The following ATP2B1 variants were observed in gnomAD, a reference collection of about 807,000 sequenced individuals.
The protein encoded by ATP2B1 is plasma membrane calcium-transporting ATPase 1.
A neutral mutation model predicts 124.2 loss-of-function variants in ATP2B1; 14 were observed. The observed-to-expected ratio is 0.11, with a 90% CI of 0.07 to 0.18. The LOEUF (loss-of-function observed/expected upper bound fraction) is 0.18, where lower values mean the gene tolerates loss of function less well. Ranked by LOEUF, ATP2B1 falls within the 10% of genes least tolerant of loss-of-function variation. ATP2B1 has a pLI of 1.00. For missense variants in ATP2B1, 763 were observed against 1,466.1 expected (o/e 0.52, Z 7.83); for synonymous variants, 449 against 492.4 (o/e 0.91, Z 1.17).
intron 1 of ATP2B1, among the ~76,000 whole-genome samples, chr12:89,686,435 C>T (rs767372029): frequency 6.6e-5 from 10 of 152,164 alleles, no homozygotes; most frequent in Admixed American, 2.0e-4. Context: ...TATGCTTTTG[C>T]GTACACTCAC....
chr12:89,698,019 T>C (rs778156763), intron 1 of ATP2B1, among the ~76,000 whole-genome samples: 7 of 152,054 alleles, frequency 4.6e-5, no homozygotes, highest in African/African-American at 7.3e-5. Flanking sequence ...TACAGGCCCA[T>C]GCCACTACGC....
chr12:89,698,161 C>T lies in ATP2B1; in HGVS notation c.-222+10435G>A, dbSNP rs1000178501. 2.0e-5 allele frequency among the ~76,000 whole-genome samples: 3 copies of T among 152,172 alleles called. 1 individual carries two copies. Among genetic ancestry groups the T allele is most frequent in the Non-Finnish European group, 2.9e-5 (2 of 68,032 alleles). On this transcript the variant is annotated intron_variant, in intron 1 of 20. Coordinates refer to ENST00000428670, the MANE Select transcript of ATP2B1 (RefSeq NM_001366521.1). ...CTTCTTCCCATCCCCAGCACAAACA[C>T]AAATGCTTCCTAAAGTACTTTTATC...
chr12:89,635,286 A>T (rs1233223584), intron 3 of ATP2B1, 35 bp from the exon 4 acceptor site: 8 of 1,594,472 alleles, frequency 5.0e-6, no homozygotes, highest in African/African-American at 1.3e-5. Context: ...TATCAAAAAG[A>T]TTCTGAATTG....
chr12:89,680,665 T>C (rs1889230123), intron 1 of ATP2B1, among the ~76,000 whole-genome samples: 1 of 152,038 alleles, frequency 6.6e-6, no homozygotes, highest in Non-Finnish European at 1.5e-5. Flanking sequence ...ACAGAACTAG[T>C]ATTTAAAAAC....
At chr12:89,633,513 A>G (rs993148340) in intron 5 of ATP2B1, among the ~76,000 whole-genome samples, 2 of 150,698 alleles carry the variant, frequency 1.3e-5, no homozygotes, top group South Asian at 2.1e-4. Flanking sequence ...CGTTAAGTCT[A>G]TATTAGAATT....
At position 89,627,439 on chromosome 12, in the gene ATP2B1, G is replaced by A. The variant is rs546329639; in HGVS notation, c.967+239C>T. ...AAATCTGAAATCTGAAACACTTCTGGTCCCAAGCATTTCGGATAAGGGATA... is the reference window on the plus strand; with the variant it reads ...AAATCTGAAATCTGAAACACTTCTGATCCCAAGCATTTCGGATAAGGGATA... On this transcript the variant is annotated intron_variant, in intron 7 of 20. Transcript: ENST00000428670. Among the ~76,000 whole-genome samples, 250 of 151,174 alleles carry A rather than the reference G, an allele frequency of 1.7e-3. 1 individual carries two copies. Among genetic ancestry groups the A allele is most frequent in the African/African-American group, 5.8e-3 (238 of 41,138 alleles).
At chr12:89,594,191 G>GT (rs1299968623) in intron 20 of ATP2B1, 3 of 151,960 alleles carry the variant, frequency 2.0e-5, no homozygotes, top group Non-Finnish European at 4.4e-5. Context: ...AACCAGAGTT[G>GT]TTTTACTTTC....
intron 2 of ATP2B1, among the ~76,000 whole-genome samples, chr12:89,654,500 T>C (rs1323519687): frequency 6.6e-6 from 1 of 152,188 alleles, no homozygotes; most frequent in Non-Finnish European, 1.5e-5. Flanking sequence ...AAAGAATATA[T>C]TCCAAATAGT....
intron 15 of ATP2B1, among the ~76,000 whole-genome samples, chr12:89,606,510 A>C (rs573933816): frequency 4.1e-4 from 62 of 152,016 alleles, no homozygotes; most frequent in Non-Finnish European, 7.9e-4. Context: ...ATGAAGAAAC[A>C]ATCTTATTTT....
At chr12:89,629,462 T>C (rs1436791580) in intron 6 of ATP2B1, among the ~76,000 whole-genome samples, 2 of 152,134 alleles carry the variant, frequency 1.3e-5, no homozygotes, top group Non-Finnish European at 2.9e-5. Context: ...GAGAACTGCT[T>C]CAAGGAGGAC....
chr12:89,635,030 T>C lies in ATP2B1; in HGVS notation c.628A>G (p.Ile210Val). The C allele has an allele frequency of 6.2e-7, 1 of 1,614,020 alleles. No homozygotes were observed. Among genetic ancestry groups the C allele is most frequent in the Non-Finnish European group, 8.5e-7 (1 of 1,179,896 alleles). Residue 210 changes from isoleucine to valine, a missense_variant, in exon 4 of 21, where the codon ATT (isoleucine) becomes GTT (valine). Around this residue, in one of 7 missense-constraint regions of ATP2B1, gnomAD observed 392 missense variants for 776.6 expected, o/e 0.50. Transcript: ENST00000428670. Reference sequence around the variant, plus strand: ...ACTTGAGCAATATCTCCAACAGTAATGTCAGCTACAGGTATCTGAATGACC... The same window carrying C: ...ACTTGAGCAATATCTCCAACAGTAACGTCAGCTACAGGTATCTGAATGACC... ...GQVIQIPVAD[I>V]TVGDIAQVKY...
chr12:89,647,297 A>T (rs2136288033), intron 2 of ATP2B1, among the ~76,000 whole-genome samples: 1 of 152,352 alleles, frequency 6.6e-6, no homozygotes, highest in South Asian at 2.1e-4. Flanking sequence ...TAGCCTCAGA[A>T]TTACATGCTT....
intron 2 of ATP2B1, among the ~76,000 whole-genome samples, chr12:89,644,050 A>G (rs1483336948): frequency 1.3e-5 from 2 of 152,212 alleles, no homozygotes; most frequent in African/African-American, 4.8e-5. Flanking sequence ...TGAACCCAGG[A>G]GGCTGAGGTT....
At chr12:89,621,507 G>C in intron 10 of ATP2B1, 42 bp downstream of exon 10, 1 of 1,394,724 alleles carries the variant, frequency 7.2e-7, no homozygotes, top group Non-Finnish European at 9.6e-7. Flanking sequence ...GATCATTATA[G>C]ATTTAAAAAT....
chr12:89,651,025 C>T (rs1885179457), intron 2 of ATP2B1, among the ~76,000 whole-genome samples: 2 of 152,124 alleles, frequency 1.3e-5, no homozygotes, highest in Non-Finnish European at 2.9e-5. Flanking sequence ...CTTTCTCTAA[C>T]GGAGCCAAAA....
chr12:89,693,961 G>A (rs1315925305), intron 1 of ATP2B1, among the ~76,000 whole-genome samples: 1 of 152,094 alleles, frequency 6.6e-6, no homozygotes. Flanking sequence ...TTCTATTTCT[G>A]CTTTCTCTTT....
rs575220201 is a variant in ATP2B1, at chr12:89,597,063, A to G, written c.3351+2054T>C. Among the ~76,000 whole-genome samples, 5 of 152,204 alleles carry G rather than the reference A, an allele frequency of 3.3e-5. No individual in the cohort carries two copies. The South Asian group carries it at 1.0e-3, about 32-fold the overall frequency. On this transcript the variant is annotated intron_variant, in intron 20 of 20. Coordinates refer to ENST00000428670, the MANE Select transcript of ATP2B1 (RefSeq NM_001366521.1). ...TACTACCATGTAGAAATTTCCAACTACTTTTTTTTGTCCTTTACTAGGCTG... is the reference window on the plus strand; with the variant it reads ...TACTACCATGTAGAAATTTCCAACTGCTTTTTTTTGTCCTTTACTAGGCTG...
intron 5 of ATP2B1, among the ~76,000 whole-genome samples, chr12:89,634,478 A>C (rs752333943): frequency 2.8e-4 from 42 of 152,208 alleles, no homozygotes; most frequent in Admixed American, 4.6e-4. Flanking sequence ...AGACCAACTC[A>C]AGAGATATCA....
At chr12:89,687,835 C>A (rs1414905393) in intron 1 of ATP2B1, among the ~76,000 whole-genome samples, 1 of 151,940 alleles carries the variant, frequency 6.6e-6, no homozygotes, top group Non-Finnish European at 1.5e-5. Context: ...TATATTTATT[C>A]AGGAACCATT....
Sources: gnomAD v4.1 joint callset for allele counts (sites outside exome capture counted in the v4.1 genomes callset) on GRCh38, gnomAD v4.1.1 for gene constraint, gnomAD v4.1.1 regional missense constraint, MANE v1.5 for transcripts, NCBI Gene and HGNC (gene_info 2026-07-23, HGNC 2026-07-21) for gene names.